LRBA: variants seen among roughly 807,000 people sequenced by gnomAD.
LRBA encodes the protein lipopolysaccharide-responsive and beige-like anchor protein.
In LRBA, 176 loss-of-function variants were observed where a neutral mutation model predicts 330.0. That is an observed-to-expected ratio of 0.53 (90% CI 0.47 to 0.60). The LOEUF (loss-of-function observed/expected upper bound fraction) is 0.60, where lower values mean the gene tolerates loss of function less well. Ranked by LOEUF, LRBA falls within the 20% of genes least tolerant of loss-of-function variation. The pLI, the probability that LRBA is intolerant of heterozygous loss-of-function variation, is 0.00. For synonymous variants in LRBA, 1,230 were observed against 1,193.0 expected, an observed-to-expected ratio of 1.03 and a Z score of -0.64; for missense variants, 3,259 against 3,444.8, an observed-to-expected ratio of 0.95 and a Z score of 1.35.
chr4:150,799,719 C>G (rs1327926096), intron 33 of LRBA, among the ~76,000 whole-genome samples: 1 of 152,092 alleles, frequency 6.6e-6, no homozygotes, highest in Non-Finnish European at 1.5e-5. Context: ...TCCCTCTTAC[C>G]ACACTTATCA....
chr4:150,848,267 G>A (rs970465491), intron 26 of LRBA, among the ~76,000 whole-genome samples: 2 of 152,036 alleles, frequency 1.3e-5, no homozygotes, highest in African/African-American at 4.8e-5. Flanking sequence ...CACCCACTTT[G>A]GCCTCCCAAA....
chr4:150,782,216 A>T (rs1738343679), intron 34 of LRBA, among the ~76,000 whole-genome samples: 1 of 152,170 alleles, frequency 6.6e-6, no homozygotes, highest in Admixed American at 6.6e-5. Flanking sequence ...CTTGCTTGTT[A>T]AATAAATCAT....
intron 2 of LRBA, among the ~76,000 whole-genome samples, chr4:150,987,858 C>T (rs1176146998): frequency 2.0e-5 from 3 of 151,720 alleles, no homozygotes; most frequent in Admixed American, 2.0e-4. Context: ...AAAAAATTGC[C>T]GGGTGTCCTG....
At chr4:150,910,342 C>T (rs1164525854) in intron 9 of LRBA, among the ~76,000 whole-genome samples, 1 of 152,084 alleles carries the variant, frequency 6.6e-6, no homozygotes, top group East Asian at 1.9e-4. Context: ...ATACAATGTA[C>T]AATATGAATT....
chr4:150,981,879 T>C (rs1234281453), intron 2 of LRBA, among the ~76,000 whole-genome samples: 2 of 147,976 alleles, frequency 1.4e-5, no homozygotes, highest in Non-Finnish European at 3.0e-5. Flanking sequence ...AGGAGAACGG[T>C]GTGAACCCGG....
At chr4:150,877,273 AAAG>A (rs1754153049) in intron 17 of LRBA, among the ~76,000 whole-genome samples, 1 of 151,756 alleles carries the variant, frequency 6.6e-6, no homozygotes, top group African/African-American at 2.4e-5. Context: ...AAAAAAAAAA[AAAG>A]AGAGACCTAT....
At chr4:150,387,957 ACTCGGGGTGTTTT>A in intron 47 of LRBA, among the ~76,000 whole-genome samples, 1 of 152,278 alleles carries the variant, frequency 6.6e-6, no homozygotes, top group Non-Finnish European at 1.5e-5. Context: ...AGAATAAAAG[ACTCGGGGTGTTTT>A]AGTCTGCTCT....
intron 40 of LRBA, among the ~76,000 whole-genome samples, chr4:150,501,187 T>C (rs1265886595): frequency 6.6e-6 from 1 of 152,200 alleles, no homozygotes; most frequent in Non-Finnish European, 1.5e-5. Flanking sequence ...CTCACTAGAT[T>C]GGAGTTCATA....
chr4:150,682,347 T>G (rs1358392391), intron 37 of LRBA, among the ~76,000 whole-genome samples: 1 of 152,184 alleles, frequency 6.6e-6, no homozygotes, highest in Admixed American at 6.5e-5. Flanking sequence ...TGAATAGATG[T>G]TATTTCCATA....
At chr4:150,582,668 T>C in intron 40 of LRBA, 1 of 202,400 alleles carries the variant, frequency 4.9e-6, no homozygotes, top group Non-Finnish European at 1.0e-5. Flanking sequence ...CCTTTTGGTA[T>C]CCTGAGTTTT....
intron 40 of LRBA, among the ~76,000 whole-genome samples, chr4:150,492,718 G>A (rs1759116844): frequency 6.6e-6 from 1 of 152,052 alleles, no homozygotes; most frequent in African/African-American, 2.4e-5. Flanking sequence ...CTTTATGACT[G>A]CATAAAGCCT....
intron 36 of LRBA, among the ~76,000 whole-genome samples, chr4:150,703,941 A>G (rs1458876767): frequency 6.6e-6 from 1 of 152,176 alleles, no homozygotes; most frequent in East Asian, 1.9e-4. Flanking sequence ...TAAGTGGCTC[A>G]TGCCTGTAAT....
chr4:150,707,835 T>C (rs1021216124), intron 36 of LRBA, among the ~76,000 whole-genome samples: 3 of 151,704 alleles, frequency 2.0e-5, no homozygotes, highest in African/African-American at 7.2e-5. Flanking sequence ...ATATAAATAG[T>C]GAGAAGCTGC....
chr4:150,849,394 C>T, intron 25 of LRBA, 28 bp downstream of exon 25: 1 of 1,607,324 alleles, frequency 6.2e-7, no homozygotes, highest in Non-Finnish European at 8.5e-7. Context: ...GTTTTCACAC[C>T]AATTTTCTAT....
intron 40 of LRBA, among the ~76,000 whole-genome samples, chr4:150,519,282 C>T (rs947444428): frequency 6.6e-6 from 1 of 152,006 alleles, no homozygotes; most frequent in Non-Finnish European, 1.5e-5. Context: ...TTGATGACTT[C>T]TAATAAATTC....
intron 14 of LRBA, among the ~76,000 whole-genome samples, chr4:150,898,200 C>A (rs867625369): frequency 1.3e-5 from 2 of 151,944 alleles, no homozygotes; most frequent in Non-Finnish European, 2.9e-5. Flanking sequence ...AAAGGAAAAT[C>A]TAAACTTTCA....
At position 150,852,215 on chromosome 4, in the gene LRBA, C is replaced by T. The variant is rs767837267; in HGVS notation, c.3495G>A (p.Lys1165=). 21 of 1,613,986 alleles carry T rather than the reference C, an allele frequency of 1.3e-5. No homozygotes were observed. The highest frequency in any genetic ancestry group is 1.7e-5 in the Admixed American group (1 of 60,002). ...IFQEGKPVTE[K]QTDTETQDSK... The stretch of plus-strand genomic sequence containing the variant: ...AATCTTGAGTTTCAGTATCAGTTTG[C>T]TTTTCAGTAACAGGTTTTCCTTCTT... The change falls in exon 23 of 57, where the codon AAG becomes AAA. Residue 1165 remains lysine (K), a synonymous_variant. Coordinates refer to ENST00000651943, the MANE Select transcript of LRBA (RefSeq NM_001364905.1).
At chr4:150,708,855 T>C (rs567442677) in intron 36 of LRBA, among the ~76,000 whole-genome samples, 2 of 151,786 alleles carry the variant, frequency 1.3e-5, no homozygotes, top group Non-Finnish European at 3.0e-5. Flanking sequence ...ACATAGATCA[T>C]TGCTATTCAG....
At chr4:150,655,249 T>C (rs1417873066) in intron 37 of LRBA, among the ~76,000 whole-genome samples, 1 of 152,212 alleles carries the variant, frequency 6.6e-6, no homozygotes, top group African/African-American at 2.4e-5. Context: ...TAAAGGATTA[T>C]ATATTATTAC....
Sources: allele counts gnomAD v4.1 joint callset (sites outside exome capture counted in the v4.1 genomes callset), GRCh38; gene constraint gnomAD v4.1.1; transcripts MANE v1.5; gene names NCBI Gene and HGNC (gene_info 2026-07-23, HGNC 2026-07-21).